Variants in GTF2A1L observed in about 807,000 individuals in gnomAD.
GTF2A1L encodes the protein general transcription factor IIA subunit 1 like, also known as TFIIA-alpha and beta-like factor.
Under a neutral mutation model 49.7 loss-of-function variants are expected in GTF2A1L, and 48 were observed. That is an observed-to-expected ratio of 0.97 (90% CI 0.77 to 1.23). The LOEUF (loss-of-function observed/expected upper bound fraction) is 1.23. Among genes scored for constraint, GTF2A1L ranks in the 50% most tolerant of loss-of-function variants. The pLI is 0.00. For missense variants in GTF2A1L, 736 were observed against 564.8 expected, an observed-to-expected ratio of 1.30 and a Z score of -3.07; for synonymous variants, 246 against 193.5, an observed-to-expected ratio of 1.27 and a Z score of -2.25.
chr2:48,646,970 G>A lies in GTF2A1L; in HGVS notation c.906G>A (p.Arg302=). 6.2e-7 allele frequency: 1 copy of A among 1,614,116 alleles called. No individual in the cohort carries two copies. Among genetic ancestry groups the A allele is most frequent in the South Asian group, 1.1e-5 (1 of 91,066 alleles). The change falls in exon 6 of 9, where the codon AGG becomes AGA. Residue 302 remains arginine (R), a synonymous_variant. Transcript: ENST00000403751. The part of the protein sequence containing the change: ...TDIQLHILKN[R]MYGCDSVKQP... ...TTCAGCTTCATATTCTTAAAAATAGGATGTATGGATGTGATTCTGTAAAGC... is the reference window on the plus strand; with the variant it reads ...TTCAGCTTCATATTCTTAAAAATAGAATGTATGGATGTGATTCTGTAAAGC...
chr2:48,671,747 G>T, intron 8 of GTF2A1L, 67 bp downstream of exon 8: 1 of 1,416,210 alleles, frequency 7.1e-7, no homozygotes, highest in Non-Finnish European at 9.8e-7. Flanking sequence ...TATGTAAAAT[G>T]ATGGGAAATA....
intron 3 of GTF2A1L, among the ~76,000 whole-genome samples, chr2:48,639,197 C>G (rs901973304): frequency 2.0e-5 from 3 of 152,100 alleles, no homozygotes; most frequent in African/African-American, 7.2e-5. Flanking sequence ...CTGGAAAACA[C>G]TATTTTAAAA....
chr2:48,673,841 C>T (rs1360739361), intron 8 of GTF2A1L, among the ~76,000 whole-genome samples: 1 of 151,902 alleles, frequency 6.6e-6, no homozygotes, highest in Non-Finnish European at 1.5e-5. Flanking sequence ...CACTTATTTT[C>T]CTTTGTGTAT....
chr2:48,676,108 T>C (rs1389129379), intron 8 of GTF2A1L, among the ~76,000 whole-genome samples: 2 of 151,934 alleles, frequency 1.3e-5, no homozygotes, highest in Non-Finnish European at 2.9e-5. Context: ...ATACAAAAGA[T>C]AGCATAAATA....
At chr2:48,657,315 G>A (rs1236317790) in intron 6 of GTF2A1L, among the ~76,000 whole-genome samples, 1 of 152,044 alleles carries the variant, frequency 6.6e-6, no homozygotes, top group Non-Finnish European at 1.5e-5. Context: ...GTCCGTATGT[G>A]CCCAATATTT....
chr2:48,629,900 C>G (rs1676482498), intron 3 of GTF2A1L, among the ~76,000 whole-genome samples: 1 of 143,890 alleles, frequency 6.9e-6, no homozygotes, highest in Non-Finnish European at 1.6e-5. Flanking sequence ...TTATTTTTGT[C>G]GACTTTGTCA....
chr2:48,655,481 C>T (rs1242221460), intron 6 of GTF2A1L, among the ~76,000 whole-genome samples: 1 of 151,924 alleles, frequency 6.6e-6, no homozygotes, highest in Non-Finnish European at 1.5e-5. Context: ...GTATGAGCCA[C>T]CATGCCCAGC....
At position 48,679,262 on chromosome 2, in the gene GTF2A1L, A is replaced by C. The variant is rs1329727745; in HGVS notation, c.1330-73A>C. On this transcript the variant is annotated intron_variant, in intron 8 of 8. Coordinates refer to ENST00000403751, the MANE Select transcript of GTF2A1L (RefSeq NM_006872.5). The stretch of plus-strand genomic sequence containing the variant: ...ATTTCGGGTGAGAATAATCCCATTT[A>C]CTGTAGCAGAGAAATGCAGGTGATC... The C allele has an allele frequency of 1.9e-6, 3 of 1,548,976 alleles. No homozygotes were observed. In the African/African-American group the frequency reaches 4.2e-5, roughly 21 times the overall value.
chr2:48,620,768 C>T (rs975260192), intron 1 of GTF2A1L, 83 bp from the exon 2 acceptor site: 2 of 845,504 alleles, frequency 2.4e-6, no homozygotes, highest in African/African-American at 3.9e-5. Flanking sequence ...CAGAGCATGA[C>T]TCCATCTCAA....
intron 6 of GTF2A1L, among the ~76,000 whole-genome samples, chr2:48,662,414 C>T (rs997012299): frequency 6.6e-6 from 1 of 152,036 alleles, no homozygotes; most frequent in African/African-American, 2.4e-5. Context: ...TTAAAGGACT[C>T]CTTTTAATAT....
At chr2:48,619,790 C>T (rs1284096781) in intron 1 of GTF2A1L, among the ~76,000 whole-genome samples, 1 of 152,152 alleles carries the variant, frequency 6.6e-6, no homozygotes, top group African/African-American at 2.4e-5. Flanking sequence ...CACATACCCT[C>T]TTTTTTGTTG....
At chr2:48,619,122 G>T (rs1260943875) in intron 1 of GTF2A1L, among the ~76,000 whole-genome samples, 1 of 152,090 alleles carries the variant, frequency 6.6e-6, no homozygotes, top group African/African-American at 2.4e-5. Flanking sequence ...TGGCCTATTC[G>T]TATAGGTTTA....
intron 6 of GTF2A1L, among the ~76,000 whole-genome samples, chr2:48,647,313 T>A (rs560636973): frequency 6.6e-6 from 1 of 152,192 alleles, no homozygotes; most frequent in Non-Finnish European, 1.5e-5. Context: ...GAAGATTCTT[T>A]CTTTATTGTT....
In GTF2A1L at chr2:48,645,063, T is replaced by C; in HGVS notation, c.334T>C (p.Phe112Leu). 2.5e-6 allele frequency: 4 copies of C among 1,612,842 alleles called. No individual in the cohort carries two copies. The highest frequency in any genetic ancestry group is 2.5e-6 in the Non-Finnish European group (3 of 1,179,530). The change falls in exon 5 of 9, where the codon TTT becomes CTT. Residue 112 changes from phenylalanine (F) to leucine (L), a missense_variant. Transcript: ENST00000403751. ...GTSNSSANFT[F>L]PGYPIHVPAG... ...TTCAAACTCCAGTGCAAACTTTACT[T>C]TTCCTGGTTATCCCATTCATGTACC...
At chr2:48,660,943 C>T (rs1001796808) in intron 6 of GTF2A1L, among the ~76,000 whole-genome samples, 1 of 152,076 alleles carries the variant, frequency 6.6e-6, no homozygotes, top group Non-Finnish European at 1.5e-5. Context: ...GGCCGACCCT[C>T]ATTGATAATT....
At position 48,656,348 on chromosome 2, in the gene GTF2A1L, G is replaced by GTT. The variant is rs367837291; in HGVS notation, c.978+9334_978+9335dup. ...ATATCCCCACCAACGCTTATTTTCT[G>GTT]TTTTTTTTTTTTTTTTTTTTTTTTT... On this transcript the variant is annotated intron_variant, in intron 6 of 8. Transcript: ENST00000403751. Among the ~76,000 whole-genome samples, 751 of 114,280 alleles carry GTT rather than the reference G, an allele frequency of 6.6e-3. 46 individuals are homozygous for GTT. The highest frequency in any genetic ancestry group is 0.023 in the African/African-American group (669 of 28,490). 75.0% of individuals were successfully genotyped at this position (114,280 alleles called of 152,430 possible).
intron 6 of GTF2A1L, among the ~76,000 whole-genome samples, chr2:48,653,560 T>A (rs370401844): frequency 2.1e-4 from 32 of 152,376 alleles, no homozygotes; most frequent in African/African-American, 7.5e-4. Flanking sequence ...TGTTGTTGCA[T>A]GTATCAGTAT....
rs1008626201 is a variant in GTF2A1L, at chr2:48,647,013, G to A, written c.949G>A (p.Glu317Lys). The change falls in exon 6 of 9, where the codon GAA becomes AAA. Residue 317 changes from glutamate to lysine, a missense_variant. Glu to Lys is a moderately conservative substitution (Grantham distance 56). Coordinates refer to ENST00000403751, the MANE Select transcript of GTF2A1L (RefSeq NM_006872.5). ...TGTAAAGCAACCAAGAAATATAGAG[G>A]AACCCAGCAACATACCTGTATCAGA... ...DSVKQPRNIEEPSNIPVSEKD... is the reference protein window; with the variant it reads ...DSVKQPRNIEKPSNIPVSEKD... 4 of 1,612,408 alleles carry A rather than the reference G, an allele frequency of 2.5e-6. No individual in the cohort carries two copies. In the African/African-American group the frequency reaches 5.3e-5, roughly 22 times the overall value.
chr2:48,675,420 T>G (rs965240758), intron 8 of GTF2A1L, among the ~76,000 whole-genome samples: 2 of 152,086 alleles, frequency 1.3e-5, no homozygotes, highest in Non-Finnish European at 1.5e-5. Context: ...CAGATGGAAT[T>G]TATCTTTAAA....
Sources: gnomAD v4.1 joint callset for allele counts (sites outside exome capture counted in the v4.1 genomes callset) on GRCh38, gnomAD v4.1.1 for gene constraint, MANE v1.5 for transcripts, NCBI Gene and HGNC (gene_info 2026-07-23, HGNC 2026-07-21) for gene names.